TULP4: variants seen among roughly 807,000 people sequenced by gnomAD.
TULP4 encodes TUB like protein 4.
Under a neutral mutation model 129.0 loss-of-function variants are expected in TULP4, and 16 were observed. The ratio of observed to expected loss-of-function variants is 0.12; its 90% CI spans 0.08 to 0.19. The LOEUF (loss-of-function observed/expected upper bound fraction) is 0.19. Among genes scored for constraint, TULP4 ranks in the 10% least tolerant of loss-of-function variants. The pLI, the probability that TULP4 is intolerant of heterozygous loss-of-function variation, is 1.00. For synonymous variants in TULP4, 998 were observed against 854.0 expected (o/e 1.17, Z -2.94); for missense variants, 1,842 against 2,059.1 (o/e 0.89, Z 2.04).
Position 158,240,991 on chromosome 6 carries a change from G to C in TULP4, n.68+8688G>C, listed in dbSNP as rs558286962. On this transcript the variant is annotated intron_variant and non_coding_transcript_variant, in intron 1 of 1. Transcript: ENST00000620026. ...CGGAGGGGCTCCTCACTTCTCAGAC[G>C]GGGTGGTTGCCAGGCAGAGGGTCTC... Among the ~76,000 whole-genome samples the C allele has an allele frequency of 1.0e-4, 14 of 139,592 alleles. No homozygotes were observed. The South Asian group carries it at 3.3e-3, about 33-fold the overall frequency. The allele number at this position is 139,592 out of a possible 152,430, so 91.6% of individuals were successfully genotyped here. A position where few individuals can be genotyped will look rare whatever the true frequency, so the allele number is the denominator to read the frequency against.
intron 6 of TULP4, among the ~76,000 whole-genome samples, chr6:158,467,754 ATCC>A (rs1779585532): frequency 6.6e-6 from 1 of 152,034 alleles, no homozygotes; most frequent in African/African-American, 2.4e-5. Context: ...TTACCACTCC[ATCC>A]TCCTCTGACC....
chr6:158,445,536 G>T (rs765589550), intron 3 of TULP4, among the ~76,000 whole-genome samples: 5 of 152,156 alleles, frequency 3.3e-5, no homozygotes, highest in Non-Finnish European at 7.3e-5. Flanking sequence ...GATGCTTTTG[G>T]TTTACTGGGA....
In TULP4 at chr6:158,502,881, C is replaced by T. The variant is rs1227989053; in HGVS notation, c.3218C>T (p.Pro1073Leu). Reference sequence around the variant, plus strand: ...CAGTCCTCCTACAGCCTCCTGAGCCCACCCGACAGCGCCCGCGACCGCACC... The same window carrying T: ...CAGTCCTCCTACAGCCTCCTGAGCCTACCCGACAGCGCCCGCGACCGCACC... ...ASQSSYSLLS[P>L]PDSARDRTDY... Residue 1073 changes from proline to leucine, a missense_variant, in exon 13 of 14, where the codon CCA becomes CTA. Coordinates refer to ENST00000367097, the MANE Select transcript of TULP4 (RefSeq NM_020245.5). 3 of 1,613,954 alleles carry T rather than the reference C, an allele frequency of 1.9e-6. No individual in the cohort carries two copies. Among genetic ancestry groups the T allele is most frequent in the African/African-American group, 1.3e-5 (1 of 75,032 alleles).
At chr6:158,304,169 A>T (rs917171400) in intron 1 of TULP4, among the ~76,000 whole-genome samples, 2 of 152,160 alleles carry the variant, frequency 1.3e-5, no homozygotes, top group Non-Finnish European at 2.9e-5. Context: ...AACATACCTG[A>T]TACACCATCC....
chr6:158,304,928 A>G (rs1013808166), intron 1 of TULP4, among the ~76,000 whole-genome samples: 1 of 151,928 alleles, frequency 6.6e-6, no homozygotes, highest in African/African-American at 2.4e-5. Context: ...CAGCCTCCCA[A>G]TGTGTTGGGA....
intron 1 of TULP4, among the ~76,000 whole-genome samples, chr6:158,378,462 A>AGTTTT (rs1777241630): frequency 6.0e-5 from 1 of 16,684 alleles, no homozygotes; most frequent in African/African-American, 3.6e-4. Flanking sequence ...TGGGGGAGCC[A>AGTTTT]GTTTTTTTTT....
chr6:158,281,731 T>G (rs1778756752), upstream of TULP4, among the ~76,000 whole-genome samples: 1 of 152,230 alleles, frequency 6.6e-6, no homozygotes, highest in Non-Finnish European at 1.5e-5. Context: ...AACACTGCTT[T>G]TACTGAGTTA....
intron 2 of TULP4, among the ~76,000 whole-genome samples, chr6:158,418,686 T>C (rs1337421667): frequency 6.6e-6 from 1 of 152,200 alleles, no homozygotes; most frequent in Non-Finnish European, 1.5e-5. Context: ...GGAGGATTGC[T>C]TGAGCAATCC....
chr6:158,505,472 TGTG>T (rs1182726154), intron 13 of TULP4, among the ~76,000 whole-genome samples: 2 of 152,212 alleles, frequency 1.3e-5, no homozygotes, highest in African/African-American at 2.4e-5. Flanking sequence ...GTTGAGGAGT[TGTG>T]GTAAAAACCG....
At chr6:158,410,133 C>T (rs1778061767) in intron 1 of TULP4, among the ~76,000 whole-genome samples, 4 of 152,286 alleles carry the variant, frequency 2.6e-5, no homozygotes, top group South Asian at 2.1e-4. Flanking sequence ...GGATTACAGG[C>T]GTGAGCCACC....
At chr6:158,438,565 CAGTT>C (rs535131307) in intron 3 of TULP4, among the ~76,000 whole-genome samples, 1,933 of 122,636 alleles carry the variant, frequency 0.016, 27 homozygotes, top group African/African-American at 0.044. Context: ...AAAAACACCA[CAGTT>C]TGTTTGTTTG....
At chr6:158,397,204 G>C (rs934702722) in intron 1 of TULP4, among the ~76,000 whole-genome samples, 1 of 152,206 alleles carries the variant, frequency 6.6e-6, no homozygotes, top group Non-Finnish European at 1.5e-5. Context: ...GTCCTGGCCA[G>C]GGTCACAGGT....
upstream of TULP4, among the ~76,000 whole-genome samples, chr6:158,310,175 C>G (rs1021096896): frequency 3.9e-5 from 6 of 152,084 alleles, no homozygotes; most frequent in South Asian, 2.1e-4. Flanking sequence ...GCTCATGGCT[C>G]TGCAGGCTTT....
chr6:158,244,146 C>T (rs2128448103), intron 1 of TULP4, among the ~76,000 whole-genome samples: 1 of 152,268 alleles, frequency 6.6e-6, no homozygotes, highest in African/African-American at 2.4e-5. Flanking sequence ...CCTCTTTGGG[C>T]AGTGTAGGCT....
Position 158,502,655 on chromosome 6 carries a change from A to G in TULP4, c.2992A>G (p.Met998Val). The G allele has an allele frequency of 6.4e-7, 1 of 1,573,068 alleles. No individual in the cohort carries two copies. Among genetic ancestry groups the G allele is most frequent in the South Asian group, 1.1e-5 (1 of 87,824 alleles). Residue 998 changes from methionine to valine, a missense_variant, in exon 13 of 14, where the codon ATG (methionine) becomes GTG (valine). By Grantham distance (21) the Met-to-Val change is conservative. This residue lies in a region of TULP4 where 1,089 missense variants were observed against 987.1 expected (regional missense o/e 1.10). Transcript: ENST00000367097. ...RRNNREATLK[M>V]AQLADSPRAP... ...GAACAACCGTGAGGCTACGCTCAAG[A>G]TGGCCCAGCTGGCCGACAGCCCGCG...
chr6:158,308,939 C>T (rs1317819566), upstream of TULP4, among the ~76,000 whole-genome samples: 1 of 139,174 alleles, frequency 7.2e-6, no homozygotes, highest in African/African-American at 2.7e-5. Context: ...GGGGGCTGAC[C>T]CACCCACCTC....
chr6:158,501,152 C>A (rs147700380), intron 12 of TULP4, among the ~76,000 whole-genome samples: 2 of 152,198 alleles, frequency 1.3e-5, no homozygotes, highest in East Asian at 3.9e-4. Flanking sequence ...GTTTTTTCTA[C>A]CACATTTTAC....
At position 158,479,887 on chromosome 6, in the gene TULP4, C is replaced by T; in HGVS notation, c.1163C>T (p.Thr388Ile). ...CTGTGCCAGCAGGCCATCGCCAGCA[C>T]CTTGCGTGAGGACAAGGACGTCAGC... ...QLLCQQAIAS[T>I]LREDKDVSKL... Residue 388 changes from threonine (T) to isoleucine (I), a missense_variant, in exon 7 of 14, where the codon ACC (threonine) becomes ATC (isoleucine). Physicochemically the swap from Thr to Ile is moderately conservative, Grantham distance 89. Transcript: ENST00000367097. 1 of 1,613,508 alleles carries T rather than the reference C, an allele frequency of 6.2e-7. No homozygotes were observed. The highest frequency in any genetic ancestry group is 8.5e-7 in the Non-Finnish European group (1 of 1,180,040).
At chr6:158,370,920 T>C (rs1419968606) in intron 1 of TULP4, among the ~76,000 whole-genome samples, 1 of 152,220 alleles carries the variant, frequency 6.6e-6, no homozygotes, top group Non-Finnish European at 1.5e-5. Context: ...ACATCCACTG[T>C]TTTTGACATC....
Sources: allele counts gnomAD v4.1 joint callset (sites outside exome capture counted in the v4.1 genomes callset), GRCh38; gene constraint gnomAD v4.1.1; regional missense constraint gnomAD v4.1.1; transcripts MANE v1.5; gene names NCBI Gene and HGNC (gene_info 2026-07-23, HGNC 2026-07-21).